PCDH15: variants seen among roughly 807,000 people sequenced by gnomAD.
PCDH15 encodes protocadherin related 15, also known as protocadherin-15.
A neutral mutation model predicts 178.5 loss-of-function variants in PCDH15; 129 were observed. The observed-to-expected ratio is 0.72, with a 90% CI of 0.63 to 0.84. PCDH15 has a LOEUF of 0.84. Among genes scored for constraint, PCDH15 ranks in the 40% least tolerant of loss-of-function variants. The pLI, the probability that PCDH15 is intolerant of heterozygous loss-of-function variation, is 0.00. For missense variants in PCDH15, 2,230 were observed against 2,099.9 expected (o/e 1.06, Z -1.21); for synonymous variants, 800 against 732.0 (o/e 1.09, Z -1.50).
At chr10:55,079,418 C>A (rs1012785815) in intron 2 of PCDH15, among the ~76,000 whole-genome samples, 2 of 152,178 alleles carry the variant, frequency 1.3e-5, no homozygotes, top group Non-Finnish European at 2.9e-5. Context: ...TTAATGGAGG[C>A]TCTGGTAAAG....
At chr10:54,395,007 C>T (rs1371167593) in intron 3 of PCDH15, among the ~76,000 whole-genome samples, 3 of 152,028 alleles carry the variant, frequency 2.0e-5, no homozygotes, top group East Asian at 1.9e-4. Flanking sequence ...GTTCTTTTTT[C>T]GAGGTGCCCA....
At chr10:54,935,415 A>G (rs1216351345) in intron 2 of PCDH15, among the ~76,000 whole-genome samples, 1 of 152,062 alleles carries the variant, frequency 6.6e-6, no homozygotes, top group Non-Finnish European at 1.5e-5. Flanking sequence ...ATATTTTCCT[A>G]TGTTTCCAGA....
intron 16 of PCDH15, among the ~76,000 whole-genome samples, chr10:54,087,529 C>T (rs1157585885): frequency 6.6e-6 from 1 of 152,128 alleles, no homozygotes; most frequent in Non-Finnish European, 1.5e-5. Flanking sequence ...AGACAGGCAA[C>T]ATTTTGTTTA....
intron 2 of PCDH15, among the ~76,000 whole-genome samples, chr10:54,603,740 G>A (rs930935615): frequency 2.0e-5 from 3 of 151,822 alleles, no homozygotes; most frequent in African/African-American, 7.3e-5. Context: ...CCAACATGTT[G>A]GATTAGCATT....
At chr10:54,356,821 T>C (rs886283965) in intron 5 of PCDH15, among the ~76,000 whole-genome samples, 7 of 152,154 alleles carry the variant, frequency 4.6e-5, no homozygotes, top group Non-Finnish European at 8.8e-5. Context: ...CATGATCAAG[T>C]GGGATTCATC....
At chr10:54,788,335 CT>C (rs1344606070) in intron 1 of PCDH15, among the ~76,000 whole-genome samples, 1 of 151,732 alleles carries the variant, frequency 6.6e-6, no homozygotes, top group African/African-American at 2.4e-5. Context: ...AGTTTTACAC[CT>C]TATGAATCTG....
chr10:54,223,334 T>A (rs2053070743), intron 9 of PCDH15, among the ~76,000 whole-genome samples: 1 of 148,808 alleles, frequency 6.7e-6, no homozygotes, highest in African/African-American at 2.5e-5. Context: ...AGAGAAATTG[T>A]TGCCAACCCT....
At position 54,658,948 on chromosome 10, in the gene PCDH15, G is replaced by A. The variant is rs114867764; in HGVS notation, c.91+5224C>T. ...CCCAAAGTAAAGGGTGGAGAATGAT[G>A]TACTACACAAATAGAAAACAACAAA... On this transcript the variant is annotated intron_variant, in intron 2 of 37. Transcript: ENST00000644397. 4.2e-3 allele frequency among the ~76,000 whole-genome samples: 646 copies of A among 152,136 alleles called. 5 individuals carry two copies. The highest frequency in any genetic ancestry group is 0.013 in the African/African-American group (559 of 41,516).
chr10:55,623,117 A>G (rs1369460221), intron 2 of PCDH15, among the ~76,000 whole-genome samples: 2 of 151,980 alleles, frequency 1.3e-5, no homozygotes, highest in Non-Finnish European at 2.9e-5. Context: ...TGCTCTATAT[A>G]TTTTTTAACG....
At chr10:54,742,693 A>G (rs1167068167) in intron 1 of PCDH15, among the ~76,000 whole-genome samples, 1 of 151,946 alleles carries the variant, frequency 6.6e-6, no homozygotes, top group Non-Finnish European at 1.5e-5. Flanking sequence ...TCTTTCTTCA[A>G]AAGCTTTTCT....
At chr10:54,392,040 C>T (rs1269069881) in intron 3 of PCDH15, among the ~76,000 whole-genome samples, 1 of 152,040 alleles carries the variant, frequency 6.6e-6, no homozygotes, top group Non-Finnish European at 1.5e-5. Context: ...GTTGTAGTTT[C>T]CTTTATGTGT....
intron 28 of PCDH15, 26 bp from the exon 29 acceptor site, chr10:53,840,522 T>C: frequency 3.1e-6 from 5 of 1,603,012 alleles, no homozygotes; most frequent in Non-Finnish European, 4.3e-6. Context: ...AGTACAAACA[T>C]GACAGTCCAA....
At chr10:54,041,080 AAAG>A (rs2093532130) in intron 18 of PCDH15, among the ~76,000 whole-genome samples, 1 of 152,030 alleles carries the variant, frequency 6.6e-6, no homozygotes, top group Admixed American at 6.6e-5. Flanking sequence ...CTAAATTAAG[AAAG>A]AAGAAAGAAA....
At chr10:54,985,557 C>G (rs902058263) in intron 2 of PCDH15, among the ~76,000 whole-genome samples, 1 of 152,110 alleles carries the variant, frequency 6.6e-6, no homozygotes. Flanking sequence ...TACAGTTGGG[C>G]AAAATCATCT....
chr10:55,227,216 T>C (rs1479522735), intron 1 of PCDH15, among the ~76,000 whole-genome samples: 10 of 152,082 alleles, frequency 6.6e-5, no homozygotes, highest in African/African-American at 2.4e-4. Flanking sequence ...CTGTCAGCCT[T>C]CTCGACAAAA....
At chr10:54,993,225 CAATT>C (rs1474771395) in intron 2 of PCDH15, among the ~76,000 whole-genome samples, 2 of 152,074 alleles carry the variant, frequency 1.3e-5, no homozygotes, top group African/African-American at 2.4e-5. Flanking sequence ...GCTAAACAAA[CAATT>C]AAAGACCTCA....
chr10:53,879,100 CT>C (rs34125585), intron 26 of PCDH15, among the ~76,000 whole-genome samples: 95,939 of 150,032 alleles, frequency 0.64, 31,182 homozygotes, highest in Middle Eastern at 0.78. Context: ...TCTATTTGTT[CT>C]TTTTTTTTTT....
chr10:54,684,363 A>T (rs903837741), intron 1 of PCDH15, among the ~76,000 whole-genome samples: 3 of 151,910 alleles, frequency 2.0e-5, no homozygotes, highest in African/African-American at 7.2e-5. Context: ...TAGATACTCT[A>T]GGATATGTCA....
chr10:54,683,716 C>G (rs2094940549), intron 1 of PCDH15, among the ~76,000 whole-genome samples: 1 of 152,052 alleles, frequency 6.6e-6, no homozygotes, highest in South Asian at 2.1e-4. Flanking sequence ...AACCCATGTC[C>G]ATTAACATTT....
Sources: gnomAD v4.1 joint callset for allele counts (sites outside exome capture counted in the v4.1 genomes callset) on GRCh38, gnomAD v4.1.1 for gene constraint, MANE v1.5 for transcripts, NCBI Gene and HGNC (gene_info 2026-07-23, HGNC 2026-07-21) for gene names.